DOCK8: variants seen among roughly 807,000 people sequenced by gnomAD.
The protein encoded by DOCK8 is dedicator of cytokinesis protein 8.
Under a neutral mutation model 245.6 loss-of-function variants are expected in DOCK8, and 141 were observed. The ratio of observed to expected loss-of-function variants is 0.57; its 90% CI spans 0.50 to 0.66. DOCK8 has a LOEUF of 0.66. Among genes scored for constraint, DOCK8 ranks in the 30% least tolerant of loss-of-function variants. DOCK8 has a pLI of 0.00. For synonymous variants in DOCK8, 1,168 were observed against 970.2 expected, an observed-to-expected ratio of 1.20 and a Z score of -3.79; for missense variants, 2,965 against 2,603.4, an observed-to-expected ratio of 1.14 and a Z score of -3.02.
chr9:393,981 T>C (rs2054322776), intron 24 of DOCK8, among the ~76,000 whole-genome samples: 1 of 151,736 alleles, frequency 6.6e-6, no homozygotes. Context: ...TATAGCAGAG[T>C]AACTGGGGCC....
chr9:382,781 C>A, intron 22 of DOCK8, 96 bp downstream of exon 22: 1 of 1,484,452 alleles, frequency 6.7e-7, no homozygotes, highest in Non-Finnish European at 9.2e-7. Flanking sequence ...CTACTGCTGC[C>A]CACCATGCTG....
chr9:383,700 CAAAAAAAAA>C (rs1164310899), intron 22 of DOCK8, among the ~76,000 whole-genome samples: 5 of 69,932 alleles, frequency 7.1e-5, no homozygotes, highest in Admixed American at 6.4e-4. Context: ...GACTCCGTCT[CAAAAAAAAA>C]AAAAAAAAAA....
intron 34 of DOCK8, 40 bp from the exon 35 acceptor site, chr9:428,322 A>T: frequency 6.2e-7 from 1 of 1,613,534 alleles, no homozygotes; most frequent in Non-Finnish European, 8.5e-7. Flanking sequence ...TCATTGGCAC[A>T]GTGCAGGGAT....
intron 18 of DOCK8, among the ~76,000 whole-genome samples, chr9:373,554 CAGAT>C (rs1428461493): frequency 1.3e-5 from 2 of 152,228 alleles, no homozygotes; most frequent in Non-Finnish European, 2.9e-5. Context: ...TTTTAATCTA[CAGAT>C]CCTCCATCTC....
chr9:449,797 CG>C lies in DOCK8; in HGVS notation c.5832del (p.Ile1945LeufsTer8). ...VIQKEEFVLT[P>X]IEVAIEDMKK... ...TCTCATGTTCAGTTTGTTTTGACACCGATTGAAGTTGCCATTGAAGACATGA... is the reference window on the plus strand; with the variant it reads ...TCTCATGTTCAGTTTGTTTTGACACCATTGAAGTTGCCATTGAAGACATGA... On this transcript the variant is annotated frameshift_variant, in exon 45 of 48. Transcript: ENST00000432829. LOFTEE classifies it high-confidence loss of function. 6.2e-7 allele frequency: 1 copy of C among 1,612,794 alleles called. No individual in the cohort carries two copies. Among genetic ancestry groups the C allele is most frequent in the Non-Finnish European group, 8.5e-7 (1 of 1,179,986 alleles).
chr9:401,412 G>A (rs950053182), intron 26 of DOCK8, among the ~76,000 whole-genome samples: 40 of 152,130 alleles, frequency 2.6e-4, no homozygotes, highest in Non-Finnish European at 1.5e-4. Flanking sequence ...GATTAGGGCA[G>A]AAGCTTATAG....
intron 2 of DOCK8, among the ~76,000 whole-genome samples, chr9:274,545 A>G (rs1458204710): frequency 7.2e-6 from 1 of 138,038 alleles, no homozygotes; most frequent in African/African-American, 2.7e-5. Context: ...CATAATGTTT[A>G]CCTGGTATCG....
chr9:323,562 G>C (rs1014274679), intron 7 of DOCK8, among the ~76,000 whole-genome samples: 1 of 152,114 alleles, frequency 6.6e-6, no homozygotes, highest in African/African-American at 2.4e-5. Context: ...CAGTTCAGTG[G>C]TGAGTACATT....
intron 28 of DOCK8, among the ~76,000 whole-genome samples, chr9:413,594 C>A (rs1017370298): frequency 2.6e-5 from 4 of 152,026 alleles, no homozygotes; most frequent in African/African-American, 9.7e-5. Context: ...TTTTAAAAGG[C>A]AAAAGATCAG....
chr9:265,469 T>A (rs543379), intron 1 of DOCK8, among the ~76,000 whole-genome samples: 1 of 151,970 alleles, frequency 6.6e-6, no homozygotes, highest in Non-Finnish European at 1.5e-5. Context: ...CACTGTATTT[T>A]TGGAGTGTTT....
intron 29 of DOCK8, 127 bp from the exon 30 acceptor site, chr9:417,941 G>T (rs1172302156): frequency 1.1e-5 from 13 of 1,191,656 alleles, no homozygotes; most frequent in Non-Finnish European, 1.6e-5. Context: ...GATACATAAT[G>T]CTAAACATCA....
chr9:359,481 A>C (rs550112178), intron 14 of DOCK8, among the ~76,000 whole-genome samples: 193 of 152,376 alleles, frequency 1.3e-3, no homozygotes, highest in African/African-American at 4.5e-3. Context: ...TTATTGTTAC[A>C]TTTAAAATAG....
chr9:325,742 G>A lies in DOCK8; in HGVS notation c.894+5G>A. 1 of 1,612,402 alleles carries A rather than the reference G, an allele frequency of 6.2e-7. No homozygotes were observed. The highest frequency in any genetic ancestry group is 8.5e-7 in the Non-Finnish European group (1 of 1,178,510). On this transcript the variant is annotated splice_donor_5th_base_variant and intron_variant, in intron 8 of 47. Transcript: ENST00000432829. ...GATGTTAAAGAAAGGAAAAAGGTAA[G>A]AAAGCAAAGAAAAATCCATCCCTAA...
At chr9:397,995 A>G (rs907923143) in intron 25 of DOCK8, among the ~76,000 whole-genome samples, 1 of 152,234 alleles carries the variant, frequency 6.6e-6, no homozygotes, top group Non-Finnish European at 1.5e-5. Flanking sequence ...GGCAGCTACA[A>G]AAATCTTAGG....
intron 7 of DOCK8, among the ~76,000 whole-genome samples, chr9:323,360 A>G (rs1040791710): frequency 9.3e-5 from 14 of 150,000 alleles, no homozygotes; most frequent in Non-Finnish European, 3.0e-5. Context: ...AGTAGCTGGG[A>G]TTACAGGCAC....
At chr9:378,877 A>G (rs1480065687) in intron 20 of DOCK8, among the ~76,000 whole-genome samples, 1 of 152,252 alleles carries the variant, frequency 6.6e-6, no homozygotes, top group Non-Finnish European at 1.5e-5. Flanking sequence ...GAAGGATTCC[A>G]GCTTTCACAG....
chr9:268,157 A>T (rs749824901), intron 1 of DOCK8: 2 of 152,246 alleles, frequency 1.3e-5, no homozygotes, highest in Non-Finnish European at 2.9e-5. Context: ...TTCAAATGAT[A>T]TGAAGCAATT....
At chr9:419,026 G>A (rs991007502) in intron 30 of DOCK8, among the ~76,000 whole-genome samples, 1 of 152,150 alleles carries the variant, frequency 6.6e-6, no homozygotes, top group South Asian at 2.1e-4. Context: ...GCTCAAAGAG[G>A]GGCTCCTCTG....
intron 1 of DOCK8, among the ~76,000 whole-genome samples, chr9:263,787 A>T (rs1302315813): frequency 6.6e-6 from 1 of 152,074 alleles, no homozygotes; most frequent in Non-Finnish European, 1.5e-5. Context: ...TGGTTTGTGG[A>T]TTTCACTTTT....
Sources: gnomAD v4.1 joint callset for allele counts (sites outside exome capture counted in the v4.1 genomes callset) on GRCh38, gnomAD v4.1.1 for gene constraint, MANE v1.5 for transcripts, NCBI Gene and HGNC (gene_info 2026-07-23, HGNC 2026-07-21) for gene names.